ERI3: variants seen among roughly 807,000 people sequenced by gnomAD.
ERI3 encodes ERI1 exoribonuclease 3.
ERI3 carries 18 observed loss-of-function variants against 44.4 expected under a neutral mutation model. That is an observed-to-expected ratio of 0.41 (90% CI 0.28 to 0.60). ERI3 has a LOEUF of 0.60. Ranked by LOEUF, ERI3 falls within the 20% of genes least tolerant of loss-of-function variation. ERI3 has a pLI of 0.36. For synonymous variants in ERI3, 183 were observed against 164.8 expected, an observed-to-expected ratio of 1.11 and a Z score of -0.84; for missense variants, 294 against 435.5, an observed-to-expected ratio of 0.68 and a Z score of 2.89.
At chr1:44,306,688 T>C (rs953487571) in intron 6 of ERI3, among the ~76,000 whole-genome samples, 1 of 152,260 alleles carries the variant, frequency 6.6e-6, no homozygotes, top group Non-Finnish European at 1.5e-5. Flanking sequence ...TACACATATA[T>C]GTACGCATCG....
intron 6 of ERI3, among the ~76,000 whole-genome samples, chr1:44,296,727 G>A (rs1480997438): frequency 6.6e-6 from 1 of 152,148 alleles, no homozygotes; most frequent in African/African-American, 2.4e-5. Context: ...TCACTACCTA[G>A]GTGCTCCTTG....
intron 7 of ERI3, among the ~76,000 whole-genome samples, chr1:44,253,408 T>C (rs539840292): frequency 6.6e-5 from 10 of 152,352 alleles, no homozygotes; most frequent in African/African-American, 2.4e-4. Flanking sequence ...CCTCCAGATA[T>C]TCTTGGTGCC....
At chr1:44,347,033 G>A (rs914804878) in intron 2 of ERI3, among the ~76,000 whole-genome samples, 2 of 151,950 alleles carry the variant, frequency 1.3e-5, no homozygotes, top group Non-Finnish European at 2.9e-5. Flanking sequence ...AAGAATATTC[G>A]CATATCACAC....
intron 7 of ERI3, among the ~76,000 whole-genome samples, chr1:44,266,180 G>A (rs1042083668): frequency 1.3e-5 from 2 of 152,216 alleles, no homozygotes; most frequent in African/African-American, 4.8e-5. Context: ...ACTTGATGTA[G>A]GTGTGTGAAG....
intron 3 of ERI3, among the ~76,000 whole-genome samples, chr1:44,328,350 T>G (rs1381074125): frequency 6.6e-6 from 1 of 151,828 alleles, no homozygotes. Context: ...TCAGCTGTTG[T>G]CAAACCAGTC....
At chr1:44,295,991 G>A (rs576274599) in intron 6 of ERI3, among the ~76,000 whole-genome samples, 14 of 152,170 alleles carry the variant, frequency 9.2e-5, no homozygotes, top group Non-Finnish European at 8.8e-5. Flanking sequence ...AGCCTACTGC[G>A]TGGGCCTCCT....
Position 44,291,712 on chromosome 1 carries a change from CAG to C in ERI3, c.759-6807_759-6806del, listed in dbSNP as rs1645510727. 2.0e-5 allele frequency among the ~76,000 whole-genome samples: 3 copies of C among 152,204 alleles called. No individual in the cohort carries two copies. In the South Asian group the frequency reaches 6.2e-4, roughly 31 times the overall value. ...GTTGTTTTATGAATAACCCCTCAGACAGAGAGTCCCACACTGCTGCGCCTGAA... is the reference window on the plus strand; with the variant it reads ...GTTGTTTTATGAATAACCCCTCAGACAGAGTCCCACACTGCTGCGCCTGAA... On this transcript the variant is annotated intron_variant, in intron 6 of 8. Transcript: ENST00000372257.
Position 44,313,118 on chromosome 1 carries a change from A to G in ERI3, c.666+51T>C, listed in dbSNP as rs764700276. The G allele has an allele frequency of 2.7e-6, 4 of 1,508,610 alleles. No homozygotes were observed. In the South Asian group the frequency reaches 4.5e-5, roughly 17 times the overall value. The allele number at this position is 1,508,610 out of a possible 1,614,324, so 93.5% of individuals were successfully genotyped here. A position where few individuals can be genotyped will look rare whatever the true frequency, so the allele number is the denominator to read the frequency against. ...ACATTCTCAGGAGGGGAGGGAGAGA[A>G]AGGCAGCAGGAAGGGGTCAGAGGTC... On this transcript the variant is annotated intron_variant, in intron 5 of 8. Transcript: ENST00000372257.
At chr1:44,222,729 C>G (rs1340877786) in intron 8 of ERI3, among the ~76,000 whole-genome samples, 1 of 152,220 alleles carries the variant, frequency 6.6e-6, no homozygotes, top group African/African-American at 2.4e-5. Context: ...ATCCCCTCAC[C>G]TGCCTCTTCT....
At chr1:44,305,992 C>T (rs1319833076) in intron 6 of ERI3, among the ~76,000 whole-genome samples, 2 of 152,246 alleles carry the variant, frequency 1.3e-5, no homozygotes, top group Admixed American at 6.5e-5. Context: ...CGAGAGCCAT[C>T]TGACGAGCCT....
At chr1:44,325,698 G>C (rs1037041286) in intron 3 of ERI3, among the ~76,000 whole-genome samples, 5 of 152,086 alleles carry the variant, frequency 3.3e-5, no homozygotes, top group South Asian at 2.1e-4. Context: ...ATTTCGCTCT[G>C]TCACCCAGGC....
In ERI3 at chr1:44,286,585, T is replaced by A. The variant is rs895260976; in HGVS notation, c.759-1678A>T. ...GAGGTGAGCAGAGGGCCCAGGCTAA[T>A]GCCTTGCAAGTTTTATTGAGCTAAA... On this transcript the variant is annotated intron_variant, in intron 6 of 8. Transcript: ENST00000372257. Among the ~76,000 whole-genome samples, 4 of 151,898 alleles carry A rather than the reference T, an allele frequency of 2.6e-5. No homozygotes were observed. The East Asian group carries it at 7.7e-4, about 29-fold the overall frequency.
At chr1:44,255,375 C>T (rs1644760274) in intron 7 of ERI3, among the ~76,000 whole-genome samples, 1 of 152,218 alleles carries the variant, frequency 6.6e-6, no homozygotes, top group Non-Finnish European at 1.5e-5. Flanking sequence ...CTTCTTGACA[C>T]TCTACTCAGT....
At chr1:44,339,368 G>GA (rs374764715) in intron 2 of ERI3, 46 bp from the exon 3 acceptor site, 107,630 of 759,000 alleles carry the variant, frequency 0.14, 1 homozygote, top group Middle Eastern at 0.16. Flanking sequence ...AGAAAAGAAA[G>GA]AAAAAAAAAA....
At chr1:44,257,148 C>T (rs757377522) in intron 7 of ERI3, among the ~76,000 whole-genome samples, 3 of 152,178 alleles carry the variant, frequency 2.0e-5, no homozygotes, top group Non-Finnish European at 4.4e-5. Flanking sequence ...ATTTCAATTA[C>T]ATCTGTCACT....
At chr1:44,255,890 C>T (rs1644769679) in intron 7 of ERI3, among the ~76,000 whole-genome samples, 1 of 152,182 alleles carries the variant, frequency 6.6e-6, no homozygotes, top group Non-Finnish European at 1.5e-5. Flanking sequence ...CTAGAACGCC[C>T]TCTGCCTTCT....
chr1:44,332,527 T>C (rs1391019676), intron 3 of ERI3, among the ~76,000 whole-genome samples: 1 of 152,136 alleles, frequency 6.6e-6, no homozygotes, highest in Non-Finnish European at 1.5e-5. Context: ...GGAGAAGCAG[T>C]CTGAATAGAG....
chr1:44,223,054 A>G (rs1643941058), intron 8 of ERI3, among the ~76,000 whole-genome samples: 1 of 152,224 alleles, frequency 6.6e-6, no homozygotes, highest in African/African-American at 2.4e-5. Flanking sequence ...CAAGTCAGAC[A>G]GGGTCCTGTG....
At position 44,280,048 on chromosome 1, in the gene ERI3, G is replaced by A. The variant is rs576481114; in HGVS notation, c.831+4787C>T. On this transcript the variant is annotated intron_variant, in intron 7 of 8. Transcript: ENST00000372257. ...CACATGTTATGGACCACATTCATCT[G>A]GTTACAATTTTCCATCTGATTTCAG... 7.9e-5 allele frequency among the ~76,000 whole-genome samples: 12 copies of A among 152,176 alleles called. No homozygotes were observed. The East Asian group carries it at 2.1e-3, about 27-fold the overall frequency.
Sources: allele counts gnomAD v4.1 joint callset (sites outside exome capture counted in the v4.1 genomes callset), GRCh38; gene constraint gnomAD v4.1.1; transcripts MANE v1.5; gene names NCBI Gene and HGNC (gene_info 2026-07-23, HGNC 2026-07-21).